NCSTN: variants seen among roughly 807,000 people sequenced by gnomAD.
The protein encoded by NCSTN is anterior pharynx-defective 2.
NCSTN carries 22 observed loss-of-function variants against 87.0 expected under a neutral mutation model. That is an observed-to-expected ratio of 0.25 (90% confidence interval 0.18 to 0.36). The LOEUF is 0.36. NCSTN is among the 10% of genes least tolerant of loss of function. NCSTN has a pLI of 1.00. For missense variants in NCSTN, 693 were observed against 883.3 expected, an observed-to-expected ratio of 0.78 and a Z score of 2.73; for synonymous variants, 306 against 327.1, an observed-to-expected ratio of 0.94 and a Z score of 0.69.
In NCSTN at chr1:160,352,937, G is replaced by C. The variant is rs776312705; in HGVS notation, c.1047G>C (p.Lys349Asn). 2 of 1,614,166 alleles carry C rather than the reference G, an allele frequency of 1.2e-6. No individual in the cohort carries two copies. Among genetic ancestry groups the C allele is most frequent in the Admixed American group, 3.3e-5 (2 of 60,016 alleles). The change falls in exon 9 of 17, where the codon AAG becomes AAC. Residue 349 changes from lysine to asparagine, a missense_variant. Physicochemically the swap from Lys to Asn is moderately conservative, Grantham distance 94. This residue lies in a region of NCSTN where 134 missense variants were observed against 226.0 expected (regional missense o/e 0.59). Transcript: ENST00000294785. ...GSSRMVYDME[K>N]GKFPVQLENV... is the part of the protein sequence containing the mutation. ...CGAGGATGGTCTACGATATGGAGAA[G>C]GGCAAGTTTCCCGTGCAGTTAGAGA...
intron 16 of NCSTN, among the ~76,000 whole-genome samples, chr1:160,357,794 C>T (rs764025003): frequency 3.9e-5 from 6 of 152,186 alleles, no homozygotes; most frequent in South Asian, 2.1e-4. Flanking sequence ...CTTCAACTCC[C>T]GGCTGGCATT....
At chr1:160,346,130 A>G (rs989320296) in intron 2 of NCSTN, among the ~76,000 whole-genome samples, 1 of 152,216 alleles carries the variant, frequency 6.6e-6, no homozygotes, top group Non-Finnish European at 1.5e-5. Context: ...ATCATAGGGC[A>G]GGAAAAGTAG....
intron 2 of NCSTN, among the ~76,000 whole-genome samples, chr1:160,346,609 C>CTT (rs747845309): frequency 2.8e-5 from 4 of 143,678 alleles, no homozygotes; most frequent in African/African-American, 7.6e-5. Context: ...TACTTAGTTT[C>CTT]TTTTTTTTTT....
At chr1:160,343,864 G>A in intron 1 of NCSTN, 1 of 484,990 alleles carries the variant, frequency 2.1e-6, no homozygotes, top group Non-Finnish European at 4.2e-6. Context: ...ATCTTGTTCT[G>A]TGGGTGCTGT....
At chr1:160,347,052 C>G (rs1203387418) in intron 2 of NCSTN, among the ~76,000 whole-genome samples, 2 of 152,230 alleles carry the variant, frequency 1.3e-5, no homozygotes, top group African/African-American at 4.8e-5. Context: ...TCTAAGAAAA[C>G]TCCTTTGGGA....
chr1:160,353,030 A>C (rs1425808015), intron 9 of NCSTN, 39 bp downstream of exon 9: 1 of 1,595,282 alleles, frequency 6.3e-7, no homozygotes, highest in Non-Finnish European at 8.6e-7. Context: ...TTTTTAATTA[A>C]ATCTTCCTCC....
rs751031803 is a variant in NCSTN at position 160,343,451 on chromosome 1, C to G, written c.55C>G (p.Arg19Gly). 52 of 1,611,468 alleles carry G rather than the reference C, an allele frequency of 3.2e-5. No homozygotes were observed. Among genetic ancestry groups the G allele is most frequent in the Non-Finnish European group, 4.4e-5 (52 of 1,179,282 alleles). The change falls in exon 1 of 17, where the codon CGC becomes GGC. Residue 19 changes from arginine (R) to glycine (G), a missense_variant. By Grantham distance (125) the Arg-to-Gly change is moderately radical. Coordinates refer to ENST00000294785, the MANE Select transcript of NCSTN (RefSeq NM_015331.3). ...TGACCCGGGAAGTCGGGGTCTCCTT[C>G]GCCTTCTGTCTTTCTGCGTCCTACT... ...GADPGSRGLL[R>G]LLSFCVLLAG...
rs1187374015 is a variant in NCSTN at position 160,357,220 on chromosome 1, C to T, written c.1974C>T (p.Ala658=). The T allele has an allele frequency of 1.2e-6, 2 of 1,614,020 alleles. No individual in the cohort carries two copies. The highest frequency in any genetic ancestry group is 2.2e-5 in the South Asian group (2 of 91,058). Residue 658 remains alanine, a synonymous_variant, in exon 16 of 17, where the codon GCC becomes GCT. Coordinates refer to ENST00000294785, the MANE Select transcript of NCSTN (RefSeq NM_015331.3). ...AGAGCCGCTGGAAAGATATCCGTGC[C>T]CGGATATTTCTCATCGCCAGCAAAG... is the stretch of plus-strand genomic sequence containing the variant. The part of the protein sequence containing the change: ...WTESRWKDIR[A]RIFLIASKEL...
intron 16 of NCSTN, among the ~76,000 whole-genome samples, chr1:160,357,795 G>A (rs142524454): frequency 2.0e-3 from 310 of 152,306 alleles, no homozygotes; most frequent in African/African-American, 7.1e-3. Context: ...TTCAACTCCC[G>A]GCTGGCATTC....
In NCSTN at chr1:160,343,436, A is replaced by G. The variant is rs1362905608; in HGVS notation, c.40A>G (p.Ser14Gly). 3 of 1,612,542 alleles carry G rather than the reference A, an allele frequency of 1.9e-6. No individual in the cohort carries two copies. The African/African-American group carries it at 4.0e-5, about 22-fold the overall frequency. The change falls in exon 1 of 17, where the codon AGT (serine) becomes GGT (glycine). Residue 14 changes from serine to glycine, a missense_variant. Physicochemically the swap from Ser to Gly is moderately conservative, Grantham distance 56. Around this residue, in one of 4 missense-constraint regions of NCSTN, gnomAD observed 235 missense variants for 233.9 expected, o/e 1.00. Coordinates refer to ENST00000294785, the MANE Select transcript of NCSTN (RefSeq NM_015331.3). ...GGGTGGCTCTGGGGCTGACCCGGGA[A>G]GTCGGGGTCTCCTTCGCCTTCTGTC... is the stretch of plus-strand genomic sequence containing the variant. ...AGGGSGADPG[S>G]RGLLRLLSFC...
chr1:160,348,240 A>G (rs1255514584), intron 2 of NCSTN, among the ~76,000 whole-genome samples: 3 of 152,248 alleles, frequency 2.0e-5, no homozygotes, highest in African/African-American at 4.8e-5. Context: ...TGGGTCATCC[A>G]TCCTCTAATA....
chr1:160,355,702 A>G lies in NCSTN; in HGVS notation c.1400A>G (p.Tyr467Cys). ...YDTAENINVS[Y>C]PEWLSPEEDL... is the part of the protein sequence containing the mutation. ...ACTGCTGAGAACATTAATGTGAGCTATCCCGAATGGCTGAGCCCTGAAGAG... is the reference window on the plus strand; with the variant it reads ...ACTGCTGAGAACATTAATGTGAGCTGTCCCGAATGGCTGAGCCCTGAAGAG... Residue 467 changes from tyrosine (Y) to cysteine (C), a missense_variant, in exon 12 of 17, where the codon TAT becomes TGT. Physicochemically the swap from Tyr to Cys is radical, Grantham distance 194. Transcript: ENST00000294785. The G allele has an allele frequency of 1.9e-6, 3 of 1,614,208 alleles. No individual in the cohort carries two copies. The highest frequency in any genetic ancestry group is 2.2e-5 in the East Asian group (1 of 44,882).
In NCSTN at chr1:160,358,634, C is replaced by T. The variant is rs202073898; in HGVS notation, c.*363C>T. On this transcript the variant is annotated 3_prime_UTR_variant, in exon 17 of 17. Coordinates refer to ENST00000294785, the MANE Select transcript of NCSTN (RefSeq NM_015331.3). ...CCTGTACCTCTCTCTGCTCCTCACCCCCACCCCTGTACCCAGCCACCTTCC... is the reference window on the plus strand; with the variant it reads ...CCTGTACCTCTCTCTGCTCCTCACCTCCACCCCTGTACCCAGCCACCTTCC... 248 of 355,026 alleles carry T rather than the reference C, an allele frequency of 7.0e-4. No homozygotes were observed. Among genetic ancestry groups the T allele is most frequent in the Non-Finnish European group, 1.2e-3 (222 of 182,280 alleles). 22.0% of individuals were successfully genotyped at this position (355,026 alleles called of 1,614,324 possible). A position where few individuals can be genotyped will look rare whatever the true frequency, so the allele number is the denominator to read the frequency against.
intron 7 of NCSTN, 50 bp from the exon 8 acceptor site, chr1:160,352,004 G>C (rs201725255): frequency 3.1e-6 from 5 of 1,603,390 alleles, no homozygotes; most frequent in Non-Finnish European, 3.4e-6. Context: ...AGGAGGTTTG[G>C]GGCCAGTTTT....
In NCSTN at chr1:160,344,762, C is replaced by T; in HGVS notation, c.126C>T (p.Ile42=). ...RGNSVERKIY[I]PLNKTAPCVR... ...ACTCAGTGGAGAGGAAGATATATAT[C>T]CCCTTAAATAAAACAGCTCCCTGTG... is the stretch of plus-strand genomic sequence containing the variant. Residue 42 remains isoleucine (I), a synonymous_variant, in exon 2 of 17, where the codon ATC becomes ATT. Coordinates refer to ENST00000294785, the MANE Select transcript of NCSTN (RefSeq NM_015331.3). The T allele has an allele frequency of 6.2e-7, 1 of 1,614,098 alleles. No homozygotes were observed. The highest frequency in any genetic ancestry group is 1.1e-5 in the South Asian group (1 of 91,080).
chr1:160,349,171 T>G (rs201745818), intron 3 of NCSTN, 49 bp downstream of exon 3: 30 of 1,610,302 alleles, frequency 1.9e-5, no homozygotes, highest in Non-Finnish European at 2.4e-5. Flanking sequence ...AGGGAAAGTT[T>G]CAGTGAACAG....
chr1:160,356,414 T>C (rs1649131628), intron 14 of NCSTN, 67 bp downstream of exon 14: 2 of 1,475,444 alleles, frequency 1.4e-6, no homozygotes, highest in Admixed American at 3.5e-5. Flanking sequence ...TCTTTTGGTT[T>C]AACCTTTATT....
At chr1:160,343,577 C>T in intron 1 of NCSTN, 96 bp downstream of exon 1, 4 of 1,086,290 alleles carry the variant, frequency 3.7e-6, no homozygotes, top group Non-Finnish European at 5.6e-6. Flanking sequence ...TTCCTGCTGC[C>T]CCTCTGTCCC....
chr1:160,343,886 A>G (rs1345716131), intron 1 of NCSTN: 4 of 412,624 alleles, frequency 9.7e-6, no homozygotes, highest in Non-Finnish European at 1.5e-5. Flanking sequence ...CGGCGCTTAA[A>G]AGGTGGATTT....
Sources: allele counts gnomAD v4.1 joint callset (sites outside exome capture counted in the v4.1 genomes callset), GRCh38; gene constraint gnomAD v4.1.1; regional missense constraint gnomAD v4.1.1; transcripts MANE v1.5; gene names NCBI Gene and HGNC (gene_info 2026-07-23, HGNC 2026-07-21).